PCDHGB3: variants seen among roughly 807,000 people sequenced by gnomAD.
PCDHGB3 encodes protocadherin gamma-B3.
Under a neutral mutation model 59.2 loss-of-function variants are expected in PCDHGB3, and 40 were observed. The ratio of observed to expected loss-of-function variants is 0.68; its 90% CI spans 0.52 to 0.88. The LOEUF (loss-of-function observed/expected upper bound fraction) is 0.88. PCDHGB3 is among the 40% of genes least tolerant of loss of function. PCDHGB3 has a pLI of 0.00. For synonymous variants in PCDHGB3, 581 were observed against 503.6 expected (o/e 1.15, Z -2.06); for missense variants, 1,309 against 1,187.9 (o/e 1.10, Z -1.50).
chr5:141,467,908 C>G (rs2099154038), intron 1 of PCDHGB3, among the ~76,000 whole-genome samples: 1 of 152,172 alleles, frequency 6.6e-6, no homozygotes, highest in Non-Finnish European at 1.5e-5. Flanking sequence ...ATCCGCCCAC[C>G]TCAGCCTCCC....
At chr5:141,500,184 T>A (rs889800014) in intron 2 of PCDHGB3, among the ~76,000 whole-genome samples, 89 of 135,966 alleles carry the variant, frequency 6.5e-4, no homozygotes, top group African/African-American at 2.4e-3. Flanking sequence ...TCATTTTTAT[T>A]TTTATTTATT....
intron 1 of PCDHGB3, chr5:141,422,227 A>G: frequency 6.4e-7 from 1 of 1,566,716 alleles, no homozygotes; most frequent in Non-Finnish European, 8.6e-7. Context: ...CACCACGACG[A>G]TGTTGATCAC....
At chr5:141,420,254 G>C (rs186977117) in intron 1 of PCDHGB3, 3 of 1,569,172 alleles carry the variant, frequency 1.9e-6, no homozygotes, top group Admixed American at 3.8e-5. Context: ...CGTTGAAGCA[G>C]ATAAGAAGAT....
At chr5:141,506,188 C>T (rs925159785) in intron 3 of PCDHGB3, among the ~76,000 whole-genome samples, 2 of 152,058 alleles carry the variant, frequency 1.3e-5, no homozygotes, top group African/African-American at 4.8e-5. Flanking sequence ...TGGTGGCTCA[C>T]GCCTGTAATC....
chr5:141,374,773 A>T (rs192855761), intron 1 of PCDHGB3: 9 of 1,613,812 alleles, frequency 5.6e-6, no homozygotes, highest in Middle Eastern at 1.6e-4. Context: ...AAATTCTGGT[A>T]ACAGTTCTAG....
intron 3 of PCDHGB3, 43 bp from the exon 4 acceptor site, chr5:141,510,903 GA>G: frequency 6.2e-7 from 1 of 1,613,454 alleles, no homozygotes; most frequent in Non-Finnish European, 8.5e-7. Flanking sequence ...GACTGTTGAG[GA>G]CCCTAAGTTT....
intron 1 of PCDHGB3, chr5:141,478,642 T>C (rs777741719): frequency 6.4e-7 from 1 of 1,552,350 alleles, no homozygotes; most frequent in Non-Finnish European, 8.7e-7. Context: ...GTGATGAAGA[T>C]GTTTTCCTGG....
rs142628885 is a variant in PCDHGB3 at position 141,404,093 on chromosome 5, C to T, written c.2415+31284C>T. ...TGACCGAGACTCCGGGAAGAATGGT[C>T]AAGTTGTCTGTTCTATCCAGGAGAA... On this transcript the variant is annotated intron_variant, in intron 1 of 3. Coordinates refer to ENST00000576222, the MANE Select transcript of PCDHGB3 (RefSeq NM_018924.5). The T allele has an allele frequency of 9.4e-5, 152 of 1,613,326 alleles. 2 individuals carry two copies. In the East Asian group the frequency reaches 3.4e-3, roughly 36 times the overall value.
intron 1 of PCDHGB3, among the ~76,000 whole-genome samples, chr5:141,459,563 C>CAAAACAGAATT (rs1554142058): frequency 5.3e-5 from 8 of 152,044 alleles, no homozygotes; most frequent in Non-Finnish European, 2.9e-5. Context: ...ATAAATACCC[C>CAAAACAGAATT]AAAACAGAAT....
At chr5:141,459,723 T>G (rs1024452676) in intron 1 of PCDHGB3, among the ~76,000 whole-genome samples, 3 of 152,254 alleles carry the variant, frequency 2.0e-5, no homozygotes, top group African/African-American at 7.2e-5. Context: ...ATGCTTCCTA[T>G]TGTCAATTTT....
rs2099416627 is a variant in PCDHGB3 at position 141,477,726 on chromosome 5, C to T, written c.2416-17081C>T. 6.2e-7 allele frequency: 1 copy of T among 1,613,822 alleles called. No homozygotes were observed. The highest frequency in any genetic ancestry group is 8.5e-7 in the Non-Finnish European group (1 of 1,180,020). ...GATCGGCGGGAATTTGAATTAACAG[C>T]TCATATCAGCGATGGGGGCACCCCG... On this transcript the variant is annotated intron_variant, in intron 1 of 3. Coordinates refer to ENST00000576222, the MANE Select transcript of PCDHGB3 (RefSeq NM_018924.5). This position sits in a 1 kb window ranked among gnomAD's most constrained non-coding sequence, Gnocchi z 4.9.
chr5:141,472,998 G>GAA (rs2099311030), intron 1 of PCDHGB3, among the ~76,000 whole-genome samples: 1 of 134,744 alleles, frequency 7.4e-6, no homozygotes, highest in Non-Finnish European at 1.6e-5. Flanking sequence ...AAAAAAAAAA[G>GAA]AAAGAAAAAG....
chr5:141,481,913 C>CAAAAAAAAAAAAA (rs34114744), intron 1 of PCDHGB3, among the ~76,000 whole-genome samples: 1 of 90,852 alleles, frequency 1.1e-5, no homozygotes. Flanking sequence ...AACTCCATCT[C>CAAAAAAAAAAAAA]AAAAAAAAAA....
chr5:141,393,730 G>C lies in PCDHGB3; in HGVS notation c.2415+20921G>C, dbSNP rs546435108. On this transcript the variant is annotated intron_variant, in intron 1 of 3. Transcript: ENST00000576222. The stretch of plus-strand genomic sequence containing the variant: ...ACTGGGGAAATATCAATAGCAAAAA[G>C]TCTAGATTATGAAGAATGTTCATTT... 3 of 1,613,844 alleles carry C rather than the reference G, an allele frequency of 1.9e-6. No individual in the cohort carries two copies. In the South Asian group the frequency reaches 3.3e-5, roughly 18 times the overall value.
At chr5:141,383,034 G>A in intron 1 of PCDHGB3, 2 of 1,613,860 alleles carry the variant, frequency 1.2e-6, no homozygotes. Context: ...GGTCCTTTGT[G>A]GGAGACATCG....
chr5:141,434,724 C>T (rs2097712360), intron 1 of PCDHGB3, among the ~76,000 whole-genome samples: 2 of 151,800 alleles, frequency 1.3e-5, no homozygotes, highest in Admixed American at 1.3e-4. Flanking sequence ...GTTCAGGGCT[C>T]TCAGCTCTGA....
chr5:141,498,578 G>T (rs1404493166), intron 2 of PCDHGB3, among the ~76,000 whole-genome samples: 1 of 152,048 alleles, frequency 6.6e-6, no homozygotes, highest in African/African-American at 2.4e-5. Flanking sequence ...CTAGTATTGA[G>T]TTCTTCAGTA....
chr5:141,395,096 C>T (rs769366827), intron 1 of PCDHGB3: 4 of 1,614,068 alleles, frequency 2.5e-6, no homozygotes, highest in African/African-American at 2.7e-5. Flanking sequence ...CCCTCACCGC[C>T]GACTCGCGGA....
intron 1 of PCDHGB3, chr5:141,386,033 G>A (rs1205491473): frequency 1.3e-5 from 2 of 152,154 alleles, no homozygotes; most frequent in Admixed American, 6.6e-5. Flanking sequence ...TTGTGACATA[G>A]GCAATTACAT....
Sources: allele counts gnomAD v4.1 joint callset (sites outside exome capture counted in the v4.1 genomes callset), GRCh38; gene constraint gnomAD v4.1.1; non-coding constraint Gnocchi (gnomAD v3.1); transcripts MANE v1.5; gene names NCBI Gene and HGNC (gene_info 2026-07-23, HGNC 2026-07-21).